Variants in GABRR2 observed in about 807,000 individuals in gnomAD.
The protein encoded by GABRR2 is gamma-aminobutyric acid receptor subunit rho-2.
A neutral mutation model predicts 47.0 loss-of-function variants in GABRR2; 36 were observed. The observed-to-expected ratio is 0.77, with a 90% CI of 0.59 to 1.01. GABRR2 has a LOEUF of 1.01. Ranked by LOEUF, GABRR2 falls within the 50% of genes least tolerant of loss-of-function variation. The pLI, the probability that GABRR2 is intolerant of heterozygous loss-of-function variation, is 0.00. For synonymous variants in GABRR2, 204 were observed against 227.5 expected, an observed-to-expected ratio of 0.90 and a Z score of 0.93; for missense variants, 587 against 594.6, an observed-to-expected ratio of 0.99 and a Z score of 0.13.
intron 2 of GABRR2, among the ~76,000 whole-genome samples, chr6:89,280,996 G>A (rs1205217745): frequency 6.6e-6 from 1 of 152,194 alleles, no homozygotes; most frequent in Non-Finnish European, 1.5e-5. Flanking sequence ...AAGTAATAAC[G>A]ATTTTTCACT....
intron 8 of GABRR2, among the ~76,000 whole-genome samples, chr6:89,263,548 G>C (rs987560744): frequency 6.6e-6 from 1 of 152,052 alleles, no homozygotes; most frequent in Admixed American, 6.6e-5. Context: ...TTTGAAATGG[G>C]GTCTTGCTCT....
At chr6:89,286,341 A>G (rs1455794703) in intron 2 of GABRR2, among the ~76,000 whole-genome samples, 2 of 152,180 alleles carry the variant, frequency 1.3e-5, no homozygotes, top group Non-Finnish European at 2.9e-5. Context: ...GATCGAATGT[A>G]CAGCAATGTG....
rs752376147 is a variant in GABRR2, at chr6:89,264,411, C to T, written c.1086+1G>A. On this transcript the variant is annotated splice_donor_variant, in intron 8 of 8. Transcript: ENST00000402938. LOFTEE classifies it high-confidence loss of function. ...GACAAGGGCCGAAGAAGCCCTCTCA[C>T]CTTCTCCCGCAGCTTCCGTTCCTTG... 1.2e-6 allele frequency: 2 copies of T among 1,612,734 alleles called. No homozygotes were observed. The highest frequency in any genetic ancestry group is 2.7e-5 in the African/African-American group (2 of 74,856).
intron 2 of GABRR2, among the ~76,000 whole-genome samples, chr6:89,294,820 G>T (rs1224944395): frequency 7.9e-6 from 1 of 125,996 alleles, no homozygotes; most frequent in African/African-American, 3.1e-5. Context: ...GCCCTGGTGT[G>T]TGATGTTCCC....
chr6:89,293,763 C>A (rs892037354), intron 2 of GABRR2, among the ~76,000 whole-genome samples: 1 of 152,068 alleles, frequency 6.6e-6, no homozygotes, highest in Non-Finnish European at 1.5e-5. Flanking sequence ...TTCCAGACTG[C>A]GCAACAGAGC....
chr6:89,282,483 C>T (rs1207178021), intron 2 of GABRR2, among the ~76,000 whole-genome samples: 1 of 152,174 alleles, frequency 6.6e-6, no homozygotes, highest in Non-Finnish European at 1.5e-5. Flanking sequence ...TATGAGAGCC[C>T]AGGGTGATTT....
intron 1 of GABRR2, among the ~76,000 whole-genome samples, chr6:89,307,080 A>C (rs1041020832): frequency 6.6e-6 from 1 of 152,248 alleles, no homozygotes; most frequent in African/African-American, 2.4e-5. Flanking sequence ...ATGACCACAC[A>C]AACAACTTCT....
chr6:89,265,732 A>T lies in GABRR2; in HGVS notation c.770T>A (p.Leu257Ter), dbSNP rs750408888. 5 of 1,614,132 alleles carry T rather than the reference A, an allele frequency of 3.1e-6. No homozygotes were observed. The South Asian group carries it at 4.4e-5, about 14-fold the overall frequency. The change falls in exon 7 of 9, where the codon TTG becomes TAG. Residue 257 changes from leucine to a stop codon, truncating the protein, a stop_gained. Coordinates refer to ENST00000402938, the MANE Select transcript of GABRR2 (RefSeq NM_002043.5). LOFTEE classifies it high-confidence loss of function. ...WYNRLYINFT[L>*]RRHIFFFLLQ... ...CAAGAAGAAGAAGATGTGGCGACGC[A>T]ACGTGAAGTTAATGTACAGACGGTT... is the stretch of plus-strand genomic sequence containing the variant.
At chr6:89,267,852 C>T (rs1329690574) in intron 5 of GABRR2, 33 bp from the exon 6 acceptor site, 1 of 1,605,006 alleles carries the variant, frequency 6.2e-7, no homozygotes, top group East Asian at 2.2e-5. Context: ...TAATTTGACT[C>T]CTTCGCTTCT....
chr6:89,260,617 A>G (rs968696585), intron 8 of GABRR2, among the ~76,000 whole-genome samples: 1 of 152,174 alleles, frequency 6.6e-6, no homozygotes, highest in Admixed American at 6.5e-5. Context: ...TTTTACCTTT[A>G]CAGAGTGGAA....
chr6:89,257,719 G>T lies in GABRR2; in HGVS notation c.1349C>A (p.Pro450His). The change falls in exon 9 of 9, where the codon CCT (proline) becomes CAT (histidine). Residue 450 changes from proline to histidine, a missense_variant. Coordinates refer to ENST00000402938, the MANE Select transcript of GABRR2 (RefSeq NM_002043.5). The part of the protein sequence containing the change: ...AIDKYSRLIF[P>H]ASYIFFNLIY... ...TAAGTTGAAAAATATGTAGGAGGCA[G>T]GGAATATCAACCTAGAGTATTTGTC... is the stretch of plus-strand genomic sequence containing the variant. The T allele has an allele frequency of 6.2e-7, 1 of 1,613,908 alleles. No homozygotes were observed. The highest frequency in any genetic ancestry group is 8.5e-7 in the Non-Finnish European group (1 of 1,179,834).
At position 89,263,117 on chromosome 6, in the gene GABRR2, C is replaced by T. The variant is rs571878494; in HGVS notation, c.1086+1295G>A. 2.0e-5 allele frequency among the ~76,000 whole-genome samples: 3 copies of T among 152,318 alleles called. No individual in the cohort carries two copies. In the East Asian group the frequency reaches 5.8e-4, roughly 29 times the overall value. ...CTTAGATTTTCTTCCACCTCTGCCA[C>T]CCCGGAGACAGTAGGACCAAACCTT... On this transcript the variant is annotated intron_variant, in intron 8 of 8. Coordinates refer to ENST00000402938, the MANE Select transcript of GABRR2 (RefSeq NM_002043.5).
intron 2 of GABRR2, among the ~76,000 whole-genome samples, chr6:89,275,305 G>A (rs565951182): frequency 5.3e-5 from 8 of 152,132 alleles, no homozygotes; most frequent in South Asian, 2.1e-4. Flanking sequence ...ACAAAGTCTC[G>A]CTCTGTCACC....
chr6:89,289,068 G>A (rs1490711764), intron 2 of GABRR2, among the ~76,000 whole-genome samples: 2 of 152,260 alleles, frequency 1.3e-5, no homozygotes, highest in African/African-American at 4.8e-5. Context: ...GATGCTTCAT[G>A]TAAGAGGAAA....
intron 2 of GABRR2, among the ~76,000 whole-genome samples, chr6:89,287,778 C>T (rs992055345): frequency 6.6e-6 from 1 of 152,222 alleles, no homozygotes; most frequent in African/African-American, 2.4e-5. Context: ...TTAGTCACTG[C>T]CCTGTGTTAT....
Position 89,267,818 on chromosome 6 carries a change from A to G in GABRR2, c.597T>C (p.Tyr199=). The stretch of plus-strand genomic sequence containing the variant: ...GCATTAGATCTTCATCTGTATAGGC[A>G]TCTTTGGGAAGAGGAAAACAAGTTA... The part of the protein sequence containing the change: ...SQTCSLELES[Y]AYTDEDLMLY... Residue 199 remains tyrosine, a splice_region_variant and synonymous_variant, in exon 6 of 9, where the codon TAT becomes TAC. Transcript: ENST00000402938. The G allele has an allele frequency of 6.2e-7, 1 of 1,609,440 alleles. No individual in the cohort carries two copies. The highest frequency in any genetic ancestry group is 8.5e-7 in the Non-Finnish European group (1 of 1,177,702).
At chr6:89,302,028 A>AT (rs1271717280) in intron 1 of GABRR2, 19 of 670,994 alleles carry the variant, frequency 2.8e-5, no homozygotes, top group Admixed American at 1.1e-4. Flanking sequence ...CCTTTTGGAC[A>AT]TTTTTTCAGG....
chr6:89,287,654 A>G (rs1774355468), intron 2 of GABRR2, among the ~76,000 whole-genome samples: 1 of 152,156 alleles, frequency 6.6e-6, no homozygotes, highest in South Asian at 2.1e-4. Flanking sequence ...GGGTGCTGAT[A>G]TCACCCCCAT....
At chr6:89,299,933 AT>A (rs1031151847) in intron 1 of GABRR2, 68 bp from the exon 2 acceptor site, 19 of 1,031,304 alleles carry the variant, frequency 1.8e-5, no homozygotes, top group Non-Finnish European at 2.8e-5. Flanking sequence ...GATTTGGGCT[AT>A]TACTCCCTGC....
Sources: gnomAD v4.1 joint callset for allele counts (sites outside exome capture counted in the v4.1 genomes callset) on GRCh38, gnomAD v4.1.1 for gene constraint, MANE v1.5 for transcripts, NCBI Gene and HGNC (gene_info 2026-07-23, HGNC 2026-07-21) for gene names.